Variants in GAPDHS observed in about 807,000 individuals in gnomAD.
The protein encoded by GAPDHS is glyceraldehyde-3-phosphate dehydrogenase, testis-specific.
GAPDHS carries 42 observed loss-of-function variants against 48.7 expected under a neutral mutation model. That is an observed-to-expected ratio of 0.86 (90% CI 0.67 to 1.12). GAPDHS has a LOEUF of 1.12. Among genes scored for constraint, GAPDHS ranks in the 50% most tolerant of loss-of-function variants. The probability of loss-of-function intolerance (pLI) is 0.00; values close to 1 mark genes in which losing one functional copy is unlikely to be tolerated. For synonymous variants in GAPDHS, 166 were observed against 219.1 expected (o/e 0.76, Z 2.14); for missense variants, 512 against 557.7 (o/e 0.92, Z 0.82).
intron 4 of GAPDHS, among the ~76,000 whole-genome samples, chr19:35,539,282 A>G (rs1183718053): frequency 1.3e-5 from 2 of 152,192 alleles, no homozygotes; most frequent in Non-Finnish European, 2.9e-5. Flanking sequence ...ACACCTATTC[A>G]GCTCCCATTG....
intron 4 of GAPDHS, 45 bp downstream of exon 4, chr19:35,538,728 C>T: frequency 3.2e-6 from 4 of 1,239,014 alleles, no homozygotes; most frequent in Non-Finnish European, 4.8e-6. Context: ...CATATTGAGG[C>T]AGGGCATGTG....
chr19:35,543,107 G>A, intron 7 of GAPDHS, 81 bp downstream of exon 7: 1 of 1,170,838 alleles, frequency 8.5e-7, no homozygotes, highest in Non-Finnish European at 1.3e-6. Flanking sequence ...ACTGTATGGA[G>A]TTAAGAGGGA....
At chr19:35,542,875 G>A (rs1335833935) in intron 6 of GAPDHS, 70 bp from the exon 7 acceptor site, 7 of 1,132,242 alleles carry the variant, frequency 6.2e-6, no homozygotes, top group Non-Finnish European at 4.0e-6. Context: ...CATACCCCAA[G>A]AGGGGTAAGG....
chr19:35,543,794 C>T lies in GAPDHS; in HGVS notation c.1023C>T (p.Pro341=), dbSNP rs2071523769. ...CTGTAAAAGCAGCAGCCAAGGGGCC[C>T]ATGGCTGGCATCCTTGCCTACACCG... ...KEAVKAAAKG[P]MAGILAYTED... is the part of the protein sequence containing the mutation. The change falls in exon 9 of 11, where the codon CCC becomes CCT. Residue 341 remains proline, a synonymous_variant. Coordinates refer to ENST00000222286, the MANE Select transcript of GAPDHS (RefSeq NM_014364.5). 1 of 1,613,380 alleles carries T rather than the reference C, an allele frequency of 6.2e-7. No homozygotes were observed. Among genetic ancestry groups the T allele is most frequent in the Non-Finnish European group, 8.5e-7 (1 of 1,179,832 alleles).
In GAPDHS at chr19:35,538,423, C is replaced by A; in HGVS notation, c.342+20C>A. 2 of 1,348,732 alleles carry A rather than the reference C, an allele frequency of 1.5e-6. No individual in the cohort carries two copies. Among genetic ancestry groups the A allele is most frequent in the Non-Finnish European group, 2.1e-6 (2 of 939,066 alleles). 83.5% of individuals were successfully genotyped at this position (1,348,732 alleles called of 1,614,324 possible). On this transcript the variant is annotated intron_variant, in intron 3 of 10. Transcript: ENST00000222286. ...TACATGGTCAGTAGCTGGCAGAGGGCAGGAACAGCAGGGTGGGACTGGGGT... is the reference window on the plus strand; with the variant it reads ...TACATGGTCAGTAGCTGGCAGAGGGAAGGAACAGCAGGGTGGGACTGGGGT...
chr19:35,542,824 C>A, intron 6 of GAPDHS, 121 bp from the exon 7 acceptor site: 1 of 808,736 alleles, frequency 1.2e-6, no homozygotes, highest in Non-Finnish European at 2.1e-6. Context: ...ACAGATCCCT[C>A]TCACCCTCAT....
At chr19:35,538,029 T>C (rs1434399253) in intron 2 of GAPDHS, among the ~76,000 whole-genome samples, 1 of 152,092 alleles carries the variant, frequency 6.6e-6, no homozygotes, top group East Asian at 1.9e-4. Flanking sequence ...TGAGCCCAGA[T>C]AGCGCCACTG....
At chr19:35,545,058 G>A (rs2146299146) in intron 10 of GAPDHS, 40 bp from the exon 11 acceptor site, 5 of 1,602,304 alleles carry the variant, frequency 3.1e-6, no homozygotes, top group Non-Finnish European at 4.3e-6. Flanking sequence ...AGGGGTGGTC[G>A]GAAGGAACCC....
rs558016737 is a variant in GAPDHS at position 35,538,198 on chromosome 19, G to A, written c.246-109G>A. The stretch of plus-strand genomic sequence containing the variant: ...AAGAGATGCCCATGGCCAGCACAGA[G>A]GTTGTTGCCTTCTTCCCCTGGATTA... On this transcript the variant is annotated intron_variant, in intron 2 of 10. Transcript: ENST00000222286. 3.3e-5 allele frequency: 24 copies of A among 719,070 alleles called. 1 individual carries two copies. The highest frequency in any genetic ancestry group is 3.6e-4 in the Middle Eastern group (1 of 2,814). The allele number at this position is 719,070 out of a possible 1,614,324, so 44.5% of individuals were successfully genotyped here. A position where few individuals can be genotyped will look rare whatever the true frequency, so the allele number is the denominator to read the frequency against.
chr19:35,538,551 A>G, intron 3 of GAPDHS, 26 bp from the exon 4 acceptor site: 2 of 1,454,390 alleles, frequency 1.4e-6, no homozygotes, highest in South Asian at 1.1e-5. Context: ...CCACCCCAAG[A>G]CTAGGAGCCA....
In GAPDHS at chr19:35,542,544, G is replaced by A. The variant is rs777302676; in HGVS notation, c.595G>A (p.Ala199Thr). The change falls in exon 6 of 11, where the codon GCA (alanine) becomes ACA (threonine). Residue 199 changes from alanine (A) to threonine (T), a missense_variant. Transcript: ENST00000222286. ...GGTCATCTCCGCGCCCTCACCGGAT[G>A]CACCAATGTTCGTCATGGGTGTCAA... ...RVVISAPSPDAPMFVMGVNEN... is the reference protein window; with the variant it reads ...RVVISAPSPDTPMFVMGVNEN... The A allele has an allele frequency of 5.0e-6, 8 of 1,614,088 alleles. No homozygotes were observed. Among genetic ancestry groups the A allele is most frequent in the Non-Finnish European group, 5.9e-6 (7 of 1,179,940 alleles).
chr19:35,535,131 G>A (rs2071457066), intron 1 of GAPDHS, among the ~76,000 whole-genome samples: 1 of 152,190 alleles, frequency 6.6e-6, no homozygotes, highest in South Asian at 2.1e-4. Context: ...GACTGAGCCA[G>A]GCTTGACTTT....
At chr19:35,534,441 T>C (rs186840366) in intron 1 of GAPDHS, among the ~76,000 whole-genome samples, 1 of 152,254 alleles carries the variant, frequency 6.6e-6, no homozygotes, top group Non-Finnish European at 1.5e-5. Flanking sequence ...TTTTCCCCTC[T>C]GTAAAGTGGG....
Position 35,543,038 on chromosome 19 carries a change from A to G in GAPDHS, c.741+12A>G, listed in dbSNP as rs1323062508. 6.3e-7 allele frequency: 1 copy of G among 1,596,628 alleles called. No individual in the cohort carries two copies. The highest frequency in any genetic ancestry group is 8.6e-7 in the Non-Finnish European group (1 of 1,164,052). The stretch of plus-strand genomic sequence containing the variant: ...TGGAAGGGTTGATGGTGAGTTGAGG[A>G]TGAGGGGCTGGGGCAGGAAGGATGG... On this transcript the variant is annotated intron_variant, in intron 7 of 10. Coordinates refer to ENST00000222286, the MANE Select transcript of GAPDHS (RefSeq NM_014364.5).
intron 3 of GAPDHS, 50 bp from the exon 4 acceptor site, chr19:35,538,527 G>A (rs1297469950): frequency 7.6e-7 from 1 of 1,323,358 alleles, no homozygotes; most frequent in Non-Finnish European, 1.1e-6. Context: ...GACTCTCTAG[G>A]GATCCTCACC....
chr19:35,544,072 C>A (rs11672665), intron 9 of GAPDHS: 26,456 of 518,254 alleles, frequency 0.051, 951 homozygotes, highest in East Asian at 0.15. Context: ...CAGCAAGGCA[C>A]CCCCTCAAAA....
Position 35,543,403 on chromosome 19 carries a change from C to A in GAPDHS, c.805C>A (p.Arg269=). Residue 269 remains arginine (R), a synonymous_variant, in exon 8 of 11, where the codon CGA becomes AGA. Transcript: ENST00000222286. ...GGACGGGCCATCAAGGAAGGCCTGG[C>A]GAGATGGGCGGGGTGCCCACCAGAA... ...TVDGPSRKAW[R]DGRGAHQNII... The A allele has an allele frequency of 6.2e-7, 1 of 1,611,998 alleles. No homozygotes were observed. Among genetic ancestry groups the A allele is most frequent in the Non-Finnish European group, 8.5e-7 (1 of 1,179,278 alleles).
intron 9 of GAPDHS, chr19:35,544,069 G>T: frequency 1.9e-6 from 1 of 529,894 alleles, no homozygotes; most frequent in Non-Finnish European, 3.1e-6. Flanking sequence ...CTTCAGCAAG[G>T]CACCCCCTCA....
In GAPDHS at chr19:35,545,280, C is replaced by G; in HGVS notation, c.*110C>G. The G allele has an allele frequency of 1.2e-6, 1 of 829,066 alleles. No homozygotes were observed. The highest frequency in any genetic ancestry group is 2.1e-6 in the Non-Finnish European group (1 of 476,950). 51.4% of individuals were successfully genotyped at this position (829,066 alleles called of 1,614,324 possible). On this transcript the variant is annotated 3_prime_UTR_variant, in exon 11 of 11. Transcript: ENST00000222286. Reference sequence around the variant, plus strand: ...AAGGACACCCGGGGCGGGCGCCCCACGCCGATGGGTCCATGGTGAAATAAA... The same window carrying G: ...AAGGACACCCGGGGCGGGCGCCCCAGGCCGATGGGTCCATGGTGAAATAAA...
Sources: gnomAD v4.1 joint callset for allele counts (sites outside exome capture counted in the v4.1 genomes callset) on GRCh38, gnomAD v4.1.1 for gene constraint, MANE v1.5 for transcripts, NCBI Gene and HGNC (gene_info 2026-07-23, HGNC 2026-07-21) for gene names.